Variants in ABCC5 observed in about 807,000 individuals in gnomAD.
ABCC5 encodes the protein ATP-binding cassette sub-family C member 5.
A neutral mutation model predicts 160.9 loss-of-function variants in ABCC5; 61 were observed. The ratio of observed to expected loss-of-function variants is 0.38; its 90% confidence interval spans 0.31 to 0.47. The LOEUF (loss-of-function observed/expected upper bound fraction) is 0.47. ABCC5 is among the 20% of genes least tolerant of loss of function. The pLI, the probability that ABCC5 is intolerant of heterozygous loss-of-function variation, is 0.99. For missense variants in ABCC5, 1,308 were observed against 1,813.3 expected (o/e 0.72, Z 5.06); for synonymous variants, 666 against 700.6 (o/e 0.95, Z 0.78).
intron 5 of ABCC5, among the ~76,000 whole-genome samples, chr3:183,983,235 C>G: frequency 6.6e-6 from 1 of 152,222 alleles, no homozygotes. Flanking sequence ...AGGACATCAT[C>G]AAAACCATTA....
chr3:184,015,711 T>G (rs1722137185), intron 1 of ABCC5, among the ~76,000 whole-genome samples: 1 of 150,544 alleles, frequency 6.6e-6, no homozygotes, highest in African/African-American at 2.4e-5. Context: ...AAAGTCACCT[T>G]GTCCAATGAC....
In ABCC5 at chr3:183,977,519, T is replaced by G; in HGVS notation, c.1402A>C (p.Lys468Gln). The G allele has an allele frequency of 2.5e-6, 4 of 1,611,766 alleles. No homozygotes were observed. The highest frequency in any genetic ancestry group is 3.4e-6 in the Non-Finnish European group (4 of 1,178,014). ...SEASVAVDRFKSLFLMEEVHM... is the reference protein window; with the variant it reads ...SEASVAVDRFQSLFLMEEVHM... The stretch of plus-strand genomic sequence containing the variant: ...GGGCAGGGGAAGGAGCCACTTACCT[T>G]AAATCTGTCAACAGCCACTGAGGCT... The change falls in exon 10 of 30, where the codon AAG (lysine) becomes CAG (glutamine). Residue 468 changes from lysine (K) to glutamine (Q), a missense_variant and splice_region_variant. Transcript: ENST00000334444.
Position 183,957,265 on chromosome 3 carries a change from C to T in ABCC5, c.2482+2468G>A, listed in dbSNP as rs185112463. 7.3e-5 allele frequency among the ~76,000 whole-genome samples: 8 copies of T among 109,432 alleles called. 1 individual carries two copies. The East Asian group carries it at 2.2e-3, about 30-fold the overall frequency. The allele number at this position is 109,432 out of a possible 152,430, so 71.8% of individuals were successfully genotyped here. On this transcript the variant is annotated intron_variant, in intron 17 of 29. Transcript: ENST00000334444. The stretch of plus-strand genomic sequence containing the variant: ...GTGTGTATATCACATCTGTTACATG[C>T]GGATCCGTGTGTATATGACATCAGT...
intron 8 of ABCC5, among the ~76,000 whole-genome samples, chr3:183,980,756 AG>A (rs1718653498): frequency 6.8e-6 from 1 of 146,174 alleles, no homozygotes; most frequent in Non-Finnish European, 1.5e-5. Context: ...TGCGACACCC[AG>A]GCTGGAGTGT....
At position 183,989,386 on chromosome 3, in the gene ABCC5, G is replaced by A. The variant is rs1719531480; in HGVS notation, c.130-3C>T. On this transcript the variant is annotated splice_polypyrimidine_tract_variant and splice_region_variant and intron_variant, in intron 2 of 29. Transcript: ENST00000334444. ...TCCAAGGCATCTTGGCATTCCAACT[G>A]TTCCAGCAGATAGGGAGAAAGGCAA... 1 of 1,613,494 alleles carries A rather than the reference G, an allele frequency of 6.2e-7. No homozygotes were observed. The highest frequency in any genetic ancestry group is 2.2e-5 in the East Asian group (1 of 44,868).
intron 2 of ABCC5, among the ~76,000 whole-genome samples, chr3:184,013,036 T>A (rs116056709): frequency 6.6e-6 from 1 of 152,172 alleles, no homozygotes; most frequent in Non-Finnish European, 1.5e-5. Context: ...TCTGCCTTAT[T>A]AGGTACTTTT....
chr3:183,947,602 G>T, intron 22 of ABCC5, 92 bp from the exon 23 acceptor site: 3 of 1,013,878 alleles, frequency 3.0e-6, no homozygotes, highest in Non-Finnish European at 4.2e-6. Context: ...TGGAGGGCAC[G>T]TATTTAAATA....
At chr3:183,964,622 C>T (rs895412195) in intron 14 of ABCC5, among the ~76,000 whole-genome samples, 11 of 152,102 alleles carry the variant, frequency 7.2e-5, no homozygotes, top group African/African-American at 2.7e-4. Flanking sequence ...AAACCATTCA[C>T]CAAATCTGGT....
chr3:183,940,823 C>A (rs976590069), intron 25 of ABCC5, among the ~76,000 whole-genome samples: 2 of 151,950 alleles, frequency 1.3e-5, no homozygotes, highest in Non-Finnish European at 2.9e-5. Flanking sequence ...GGAAGAAGCC[C>A]TATTAGAACC....
At chr3:183,978,997 C>T (rs1259283827) in intron 8 of ABCC5, among the ~76,000 whole-genome samples, 1 of 151,916 alleles carries the variant, frequency 6.6e-6, no homozygotes, top group Non-Finnish European at 1.5e-5. Flanking sequence ...TGACTTTTTG[C>T]CTAAGGAATT....
intron 2 of ABCC5, chr3:184,001,149 A>G: frequency 2.3e-6 from 1 of 433,398 alleles, no homozygotes; most frequent in Non-Finnish European, 4.1e-6. Context: ...GCTACTCAGG[A>G]GGCTGAGGCA....
In ABCC5 at chr3:183,952,050, A is replaced by G. The variant is rs368764789; in HGVS notation, c.2668-47T>C. ...TGAGGCCAGACTCCTAACGACTGCCAAGAGCCCCTGCTCAGCGCCATTCTC... is the reference window on the plus strand; with the variant it reads ...TGAGGCCAGACTCCTAACGACTGCCGAGAGCCCCTGCTCAGCGCCATTCTC... On this transcript the variant is annotated intron_variant, in intron 18 of 29. Coordinates refer to ENST00000334444, the MANE Select transcript of ABCC5 (RefSeq NM_005688.4). 21 of 1,580,284 alleles carry G rather than the reference A, an allele frequency of 1.3e-5. No individual in the cohort carries two copies. The African/African-American group carries it at 2.8e-4, about 21-fold the overall frequency.
intron 27 of ABCC5, among the ~76,000 whole-genome samples, chr3:183,928,167 C>T (rs1207502540): frequency 7.3e-5 from 11 of 149,754 alleles, no homozygotes; most frequent in African/African-American, 7.4e-5. Flanking sequence ...GGCTGGAGTG[C>T]AGTGGTGCGC....
At chr3:183,942,347 A>C in intron 25 of ABCC5, 1 of 460,440 alleles carries the variant, frequency 2.2e-6, no homozygotes, top group Non-Finnish European at 4.3e-6. Flanking sequence ...TGATAGTTTT[A>C]AAAGAAGGCC....
chr3:183,977,975 A>T (rs1254403747), intron 9 of ABCC5, among the ~76,000 whole-genome samples: 1 of 152,044 alleles, frequency 6.6e-6, no homozygotes. Context: ...CTGGTCTCAA[A>T]CTTCTGACCT....
At chr3:184,000,442 T>C (rs995936430) in intron 2 of ABCC5, among the ~76,000 whole-genome samples, 9 of 152,122 alleles carry the variant, frequency 5.9e-5, no homozygotes, top group African/African-American at 9.7e-5. Flanking sequence ...TAAAATACAG[T>C]ATTTTTTCAT....
chr3:184,014,269 G>A lies in ABCC5; in HGVS notation c.124C>T (p.Arg42Ter), dbSNP rs780324370. The A allele has an allele frequency of 2.5e-6, 4 of 1,613,082 alleles. No individual in the cohort carries two copies. The highest frequency in any genetic ancestry group is 3.4e-6 in the Non-Finnish European group (4 of 1,179,628). ...TCTTAGGAAAGGAAACTGACCGGTC[G>A]AGTTCTCCTGAACTTGGAATCTTCA... ...DREDSKFRRT[R>*]PLECQDALET... Residue 42 changes from arginine (R) to a stop codon, truncating the protein, a stop_gained, in exon 2 of 30, where the codon CGA becomes TGA. Coordinates refer to ENST00000334444, the MANE Select transcript of ABCC5 (RefSeq NM_005688.4). LOFTEE classifies it high-confidence loss of function.
At chr3:183,974,851 A>G (rs1436885538) in intron 10 of ABCC5, among the ~76,000 whole-genome samples, 1 of 152,226 alleles carries the variant, frequency 6.6e-6, no homozygotes, top group Non-Finnish European at 1.5e-5. Flanking sequence ...ACAGGAAGCA[A>G]CAAGTTCTCC....
intron 11 of ABCC5, among the ~76,000 whole-genome samples, chr3:183,970,186 T>C (rs1717607075): frequency 6.6e-6 from 1 of 152,190 alleles, no homozygotes; most frequent in South Asian, 2.1e-4. Context: ...ACCTCTGCCC[T>C]TGGCATCCAC....
Sources: gnomAD v4.1 joint callset for allele counts (sites outside exome capture counted in the v4.1 genomes callset) on GRCh38, gnomAD v4.1.1 for gene constraint, MANE v1.5 for transcripts, NCBI Gene and HGNC (gene_info 2026-07-23, HGNC 2026-07-21) for gene names.